The following URB1 variants were observed in gnomAD, a reference collection of about 807,000 sequenced individuals.
URB1 encodes URB1 ribosome biogenesis factor, also known as nucleolar pre-ribosomal-associated protein 1.
Under a neutral mutation model 242.3 loss-of-function variants are expected in URB1, and 197 were observed. The ratio of observed to expected loss-of-function variants is 0.81; its 90% confidence interval spans 0.72 to 0.91. URB1 has a LOEUF of 0.91. Among genes scored for constraint, URB1 ranks in the 40% least tolerant of loss-of-function variants. The probability of loss-of-function intolerance (pLI) is 0.00; values close to 1 mark genes in which losing one functional copy is unlikely to be tolerated. For missense variants in URB1, 2,721 were observed against 2,860.5 expected (o/e 0.95, Z 1.11); for synonymous variants, 1,153 against 1,201.8 (o/e 0.96, Z 0.84).
chr21:32,388,022 A>G lies in URB1; in HGVS notation c.143-2338T>C, dbSNP rs545658421. ...CTAGCTGAGCAGAGAGGACCAACACATGCTTCCTCTTGGACAGCAATTCTG... is the reference window on the plus strand; with the variant it reads ...CTAGCTGAGCAGAGAGGACCAACACGTGCTTCCTCTTGGACAGCAATTCTG... On this transcript the variant is annotated intron_variant, in intron 1 of 38. Transcript: ENST00000382751. Among the ~76,000 whole-genome samples, 481 of 152,344 alleles carry G rather than the reference A, an allele frequency of 3.2e-3. 2 individuals carry two copies. Among genetic ancestry groups the G allele is most frequent in the Non-Finnish European group, 4.2e-3 (287 of 68,036 alleles).
intron 2 of URB1, among the ~76,000 whole-genome samples, chr21:32,385,019 G>C (rs1339223433): frequency 6.6e-6 from 1 of 151,436 alleles, no homozygotes; most frequent in African/African-American, 2.4e-5. Context: ...AAGAAAGAAA[G>C]AAAGAAAGAA....
chr21:32,321,989 C>G, intron 33 of URB1, 45 bp from the exon 34 acceptor site: 1 of 1,540,904 alleles, frequency 6.5e-7, no homozygotes, highest in Non-Finnish European at 8.8e-7. Flanking sequence ...AAGTGAAAGT[C>G]CTTTCATCTG....
intron 24 of URB1, among the ~76,000 whole-genome samples, chr21:32,341,953 T>C (rs1007685795): frequency 6.6e-6 from 1 of 152,310 alleles, no homozygotes; most frequent in South Asian, 2.1e-4. Flanking sequence ...CTTAGAGCCA[T>C]GTAATATGAA....
intron 24 of URB1, among the ~76,000 whole-genome samples, chr21:32,343,643 T>A (rs1183896088): frequency 6.6e-6 from 1 of 152,170 alleles, no homozygotes; most frequent in Admixed American, 6.5e-5. Context: ...TCAAAATATG[T>A]AAACTTACCT....
At chr21:32,388,583 G>A (rs1342625801) in intron 1 of URB1, among the ~76,000 whole-genome samples, 2 of 152,260 alleles carry the variant, frequency 1.3e-5, no homozygotes, top group East Asian at 1.9e-4. Flanking sequence ...TGGTCTGGTG[G>A]TGATTATGAG....
At chr21:32,353,679 C>T (rs755683496) in intron 18 of URB1, among the ~76,000 whole-genome samples, 11 of 152,196 alleles carry the variant, frequency 7.2e-5, no homozygotes, top group Non-Finnish European at 1.6e-4. Flanking sequence ...CAGAGGCTGT[C>T]TGGGCAGCCA....
In URB1 at chr21:32,354,857, A is replaced by G. The variant is rs1017474943; in HGVS notation, c.2245+2T>C. Reference sequence around the variant, plus strand: ...AGCAGCGCAGAACAGAATGGAACATACCGTCAATGTGGGAGATGGGAATGC... The same window carrying G: ...AGCAGCGCAGAACAGAATGGAACATGCCGTCAATGTGGGAGATGGGAATGC... On this transcript the variant is annotated splice_donor_variant, in intron 17 of 38. Coordinates refer to ENST00000382751, the MANE Select transcript of URB1 (RefSeq NM_014825.3). LOFTEE classifies it high-confidence loss of function. 3 of 1,552,272 alleles carry G rather than the reference A, an allele frequency of 1.9e-6. No homozygotes were observed. Among genetic ancestry groups the G allele is most frequent in the Non-Finnish European group, 2.6e-6 (3 of 1,147,096 alleles).
intron 3 of URB1, among the ~76,000 whole-genome samples, 191 bp downstream of exon 3, chr21:32,384,122 A>C (rs1038900215): frequency 5.3e-5 from 8 of 152,230 alleles, no homozygotes; most frequent in African/African-American, 1.9e-4. Context: ...ACAAGGGGTA[A>C]GTAAGAGAGG....
At chr21:32,369,440 G>C (rs2033383106) in intron 8 of URB1, among the ~76,000 whole-genome samples, 1 of 152,088 alleles carries the variant, frequency 6.6e-6, no homozygotes, top group Non-Finnish European at 1.5e-5. Flanking sequence ...TCTCTTGAAA[G>C]GGGGATTTGT....
In URB1 at chr21:32,341,282, T is replaced by C. The variant is rs1184916169; in HGVS notation, c.4316+184A>G. The stretch of plus-strand genomic sequence containing the variant: ...TTCTTTTAAAAGACTGCTTCTCTCA[T>C]CATCAGAAGCACCCTGTGTCAAGAG... On this transcript the variant is annotated intron_variant, in intron 25 of 38. Coordinates refer to ENST00000382751, the MANE Select transcript of URB1 (RefSeq NM_014825.3). Among the ~76,000 whole-genome samples, 4 of 152,214 alleles carry C rather than the reference T, an allele frequency of 2.6e-5. No homozygotes were observed. The East Asian group carries it at 7.7e-4, about 29-fold the overall frequency.
At position 32,324,533 on chromosome 21, in the gene URB1, C is replaced by A. The variant is rs1256827124; in HGVS notation, c.5191G>T (p.Ala1731Ser). ...TQDMRLTFTL[A>S]LFIAKAALQI... ...AGGGCTGCTTTGGCAATGAAGAGAG[C>A]CAAGGTAAAAGTAAGTCTCATGTCC... Residue 1731 changes from alanine (A) to serine (S), a missense_variant, in exon 32 of 39, where the codon GCT becomes TCT. Physicochemically the swap from Ala to Ser is moderately conservative, Grantham distance 99. Coordinates refer to ENST00000382751, the MANE Select transcript of URB1 (RefSeq NM_014825.3). The A allele has an allele frequency of 6.4e-7, 1 of 1,551,772 alleles. No homozygotes were observed. The highest frequency in any genetic ancestry group is 8.7e-7 in the Non-Finnish European group (1 of 1,147,044).
At chr21:32,373,620 T>A (rs901713293) in intron 7 of URB1, 27 bp downstream of exon 7, 22 of 1,523,410 alleles carry the variant, frequency 1.4e-5, no homozygotes, top group Non-Finnish European at 1.9e-5. Flanking sequence ...AACAACGAGG[T>A]CAACGAAAAC....
chr21:32,377,821 C>T (rs557434009), intron 5 of URB1, among the ~76,000 whole-genome samples: 30 of 152,330 alleles, frequency 2.0e-4, no homozygotes, highest in African/African-American at 6.3e-4. Context: ...CATGGGACTG[C>T]TCCTCACCTC....
intron 24 of URB1, 56 bp downstream of exon 24, chr21:32,344,514 C>A: frequency 6.5e-7 from 1 of 1,527,134 alleles, no homozygotes; most frequent in Non-Finnish European, 8.8e-7. Context: ...CTTGGTTTGT[C>A]TAGCATACTC....
At chr21:32,342,836 C>T (rs1301388934) in intron 24 of URB1, among the ~76,000 whole-genome samples, 3 of 152,058 alleles carry the variant, frequency 2.0e-5, no homozygotes. Flanking sequence ...CAAAAATGGA[C>T]CATGCAAAGA....
intron 8 of URB1, among the ~76,000 whole-genome samples, chr21:32,369,603 G>A (rs1173308132): frequency 1.3e-5 from 2 of 152,198 alleles, no homozygotes; most frequent in East Asian, 3.9e-4. Context: ...GGGACTAGAG[G>A]TGCACACCAC....
intron 21 of URB1, among the ~76,000 whole-genome samples, chr21:32,348,970 T>C (rs1209891268): frequency 6.6e-6 from 1 of 152,248 alleles, no homozygotes; most frequent in African/African-American, 2.4e-5. Context: ...CTATTTCCTG[T>C]GTGTATTTCC....
intron 33 of URB1, among the ~76,000 whole-genome samples, 170 bp downstream of exon 33, chr21:32,322,308 G>T (rs1476784297): frequency 3.3e-5 from 5 of 152,198 alleles, no homozygotes. Flanking sequence ...ATGTAGAAGT[G>T]AGCCAACAGC....
chr21:32,339,029 C>G (rs1242973817), intron 25 of URB1, 129 bp from the exon 26 acceptor site: 1 of 1,028,034 alleles, frequency 9.7e-7, no homozygotes, highest in Non-Finnish European at 1.4e-6. Context: ...CTCATTCATT[C>G]TATTGCCCAG....
Sources: gnomAD v4.1 joint callset for allele counts (sites outside exome capture counted in the v4.1 genomes callset) on GRCh38, gnomAD v4.1.1 for gene constraint, MANE v1.5 for transcripts, NCBI Gene and HGNC (gene_info 2026-07-23, HGNC 2026-07-21) for gene names.